The following SPTB variants were observed in gnomAD, a reference collection of about 807,000 sequenced individuals.
SPTB encodes spectrin beta, erythrocytic, also known as spectrin beta chain, erythrocytic.
Under a neutral mutation model 256.2 loss-of-function variants are expected in SPTB, and 45 were observed. The observed-to-expected ratio is 0.18, with a 90% CI of 0.14 to 0.23. The LOEUF (loss-of-function observed/expected upper bound fraction) is 0.23. SPTB is among the 10% of genes least tolerant of loss of function. The probability of loss-of-function intolerance (pLI) is 1.00; values close to 1 mark genes in which losing one functional copy is unlikely to be tolerated. For synonymous variants in SPTB, 1,231 were observed against 1,243.1 expected, an observed-to-expected ratio of 0.99 and a Z score of 0.21; for missense variants, 2,715 against 3,040.4, an observed-to-expected ratio of 0.89 and a Z score of 2.52.
chr14:64,819,169 A>G (rs919438784), intron 2 of SPTB, among the ~76,000 whole-genome samples: 4 of 152,038 alleles, frequency 2.6e-5, no homozygotes, highest in African/African-American at 9.7e-5. Context: ...AGTTAGGCTG[A>G]CTCCCAGTTT....
In SPTB at chr14:64,823,490, A is replaced by G. The variant is rs2083330507; in HGVS notation, c.-51-345T>C. 6.6e-6 allele frequency among the ~76,000 whole-genome samples: 1 copy of G among 152,142 alleles called. No homozygotes were observed. Among genetic ancestry groups the G allele is most frequent in the African/African-American group, 2.4e-5 (1 of 41,418 alleles). ...CCGGGAGAGAGGAAGCTCTCCTGGG[A>G]GCCAGAGGCAGCAGGGCACAAGCTG... On this transcript the variant is annotated intron_variant, in intron 1 of 35. Coordinates refer to ENST00000644917, the MANE Select transcript of SPTB (RefSeq NM_001355436.2). The surrounding 1 kb of genome is among the most constrained non-coding windows in gnomAD (Gnocchi z 6.5).
At position 64,772,064 on chromosome 14, in the gene SPTB, T is replaced by C. The variant is rs918108514; in HGVS notation, c.5553+516A>G. Among the ~76,000 whole-genome samples the C allele has an allele frequency of 6.6e-6, 1 of 152,206 alleles. No individual in the cohort carries two copies. Among genetic ancestry groups the C allele is most frequent in the African/African-American group, 2.4e-5 (1 of 41,448 alleles). On this transcript the variant is annotated intron_variant, in intron 26 of 35. Transcript: ENST00000644917. This position sits in a 1 kb window ranked among gnomAD's most constrained non-coding sequence, Gnocchi z 5.4. ...GAACTTGGGGGCTCTCCAGCTCCCATGTGGAAAGGCTGAAGTGCCCGGTGG... is the reference window on the plus strand; with the variant it reads ...GAACTTGGGGGCTCTCCAGCTCCCACGTGGAAAGGCTGAAGTGCCCGGTGG...
At position 64,807,674 on chromosome 14, in the gene SPTB, C is replaced by T. The variant is rs374623633; in HGVS notation, c.149-2584G>A. ...TCCATGAGCTGGCTGGCTCCAGCCG[C>T]CTGGCATTGGCATGCTCAGCACATT... On this transcript the variant is annotated intron_variant, in intron 2 of 35. Coordinates refer to ENST00000644917, the MANE Select transcript of SPTB (RefSeq NM_001355436.2). This position sits in a 1 kb window ranked among gnomAD's most constrained non-coding sequence, Gnocchi z 4.7. Among the ~76,000 whole-genome samples, 26 of 152,360 alleles carry T rather than the reference C, an allele frequency of 1.7e-4. No individual in the cohort carries two copies. Among genetic ancestry groups the T allele is most frequent in the African/African-American group, 5.3e-4 (22 of 41,582 alleles).
chr14:64,759,692 T>C lies in SPTB; in HGVS notation c.6346-5899A>G, dbSNP rs1014341226. Among the ~76,000 whole-genome samples, 9 of 152,296 alleles carry C rather than the reference T, an allele frequency of 5.9e-5. No homozygotes were observed. Among genetic ancestry groups the C allele is most frequent in the African/African-American group, 2.2e-4 (9 of 41,566 alleles). Reference sequence around the variant, plus strand: ...GCTGATCTGAGGTTCCCTTCCACCTTTGTGCTGTAAGGCAGGGGCTGCTGC... The same window carrying C: ...GCTGATCTGAGGTTCCCTTCCACCTCTGTGCTGTAAGGCAGGGGCTGCTGC... On this transcript the variant is annotated intron_variant, in intron 32 of 35. Coordinates refer to ENST00000644917, the MANE Select transcript of SPTB (RefSeq NM_001355436.2). The surrounding 1 kb of genome is among the most constrained non-coding windows in gnomAD (Gnocchi z 4.8).
chr14:64,753,934 C>A (rs1324404085), intron 32 of SPTB, 141 bp from the exon 33 acceptor site: 4 of 1,105,354 alleles, frequency 3.6e-6, no homozygotes, highest in Non-Finnish European at 5.3e-6. Context: ...TCCTGGCCCA[C>A]CCTGGCTCTC....
intron 1 of SPTB, among the ~76,000 whole-genome samples, chr14:64,877,822 T>C (rs1223426953): frequency 6.6e-6 from 1 of 152,242 alleles, no homozygotes; most frequent in East Asian, 1.9e-4. Context: ...TTTTGCCAAA[T>C]GTGATCCCAG....
Position 64,802,334 on chromosome 14 carries a change from AAG to A in SPTB, c.475-19_475-18del. 1 of 1,613,414 alleles carries A rather than the reference AAG, an allele frequency of 6.2e-7. No homozygotes were observed. The highest frequency in any genetic ancestry group is 8.5e-7 in the Non-Finnish European group (1 of 1,179,492). ...GTCCTGAATCTGAGGGTAGCAGAAC[AAG>A]AGAGATTTGAAGAGGATGTGCATCT... On this transcript the variant is annotated intron_variant, in intron 4 of 35. Transcript: ENST00000644917. The surrounding 1 kb of genome is among the most constrained non-coding windows in gnomAD (Gnocchi z 5.1).
intron 1 of SPTB, among the ~76,000 whole-genome samples, chr14:64,855,993 G>A (rs569238614): frequency 1.2e-3 from 188 of 152,350 alleles, no homozygotes; most frequent in Middle Eastern, 6.8e-3. Flanking sequence ...CCCAGGCTCC[G>A]GCCCGAGGAG....
intron 29 of SPTB, 28 bp from the exon 30 acceptor site, chr14:64,767,887 C>T: frequency 6.2e-7 from 1 of 1,611,206 alleles, no homozygotes; most frequent in Non-Finnish European, 8.5e-7. Context: ...ACACAGACCC[C>T]CCACAAGGCC....
chr14:64,749,424 G>T lies in SPTB; in HGVS notation c.6869C>A (p.Ser2290Tyr), dbSNP rs1201566052. The T allele has an allele frequency of 6.2e-7, 1 of 1,606,020 alleles. No homozygotes were observed. Among genetic ancestry groups the T allele is most frequent in the Non-Finnish European group, 8.5e-7 (1 of 1,179,496 alleles). Reference sequence around the variant, plus strand: ...CTGCGCCTTGACGCGGATGCTCTGGGACTCGTTGATGGCGGTGCTCACGCC... The same window carrying T: ...CTGCGCCTTGACGCGGATGCTCTGGTACTCGTTGATGGCGGTGCTCACGCC... ...LQGVSTAINESQSIRVKAQSL... is the reference protein window; with the variant it reads ...LQGVSTAINEYQSIRVKAQSL... The change falls in exon 36 of 36, where the codon TCC becomes TAC. Residue 2290 changes from serine to tyrosine, a missense_variant. Ser to Tyr is a moderately radical substitution (Grantham distance 144). Transcript: ENST00000644917. This position sits in a 1 kb window ranked among gnomAD's most constrained non-coding sequence, Gnocchi z 4.7.
In SPTB at chr14:64,779,899, C is replaced by G. The variant is rs759052809; in HGVS notation, c.4299G>C (p.Glu1433Asp). The change falls in exon 21 of 36, where the codon GAG (glutamate) becomes GAC (aspartate). Residue 1433 changes from glutamate (E) to aspartate (D), a missense_variant. Glu to Asp is a conservative substitution (Grantham distance 45). Coordinates refer to ENST00000644917, the MANE Select transcript of SPTB (RefSeq NM_001355436.2). The surrounding 1 kb of genome is among the most constrained non-coding windows in gnomAD (Gnocchi z 4.2). ...CCTGGGCAAACAGCTCCCCCAGCTC[C>G]TCTTTTCGCACATTCACTTGGTCCT... The part of the protein sequence containing the change: ...RVEDQVNVRK[E>D]ELGELFAQVP... The G allele has an allele frequency of 6.2e-7, 1 of 1,613,980 alleles. No individual in the cohort carries two copies. The highest frequency in any genetic ancestry group is 8.5e-7 in the Non-Finnish European group (1 of 1,179,918).
intron 2 of SPTB, among the ~76,000 whole-genome samples, chr14:64,812,023 G>A (rs568077547): frequency 2.0e-5 from 3 of 152,054 alleles, no homozygotes; most frequent in South Asian, 4.2e-4. Flanking sequence ...AAAAATCATT[G>A]CATTTTTAAA....
chr14:64,868,520 T>C (rs753283638), intron 1 of SPTB, among the ~76,000 whole-genome samples: 1 of 152,310 alleles, frequency 6.6e-6, no homozygotes, highest in South Asian at 2.1e-4. Context: ...GTGAAGCTGA[T>C]CTGGGACTGA....
At position 64,793,778 on chromosome 14, in the gene SPTB, G is replaced by A. The variant is rs778031606; in HGVS notation, c.1885C>T (p.Arg629Trp). 48 of 1,610,648 alleles carry A rather than the reference G, an allele frequency of 3.0e-5. No individual in the cohort carries two copies. Among genetic ancestry groups the A allele is most frequent in the Non-Finnish European group, 3.8e-5 (45 of 1,178,774 alleles). ...FEELSNMAAG[R>W]KAQLEQSKRL... is the part of the protein sequence containing the mutation. ...TTGGACTGCTCCAGTTGGGCCTTCC[G>A]CCCAGCTGCCATGTTGCTCAGCTCC... The change falls in exon 14 of 36, where the codon CGG becomes TGG. Residue 629 changes from arginine (R) to tryptophan (W), a missense_variant. Arg to Trp is a moderately radical substitution (Grantham distance 101). Around this residue, in one of 4 missense-constraint regions of SPTB, gnomAD observed 2,239 missense variants for 2,384.4 expected, o/e 0.94. Transcript: ENST00000644917. This position sits in a 1 kb window ranked among gnomAD's most constrained non-coding sequence, Gnocchi z 7.0.
chr14:64,843,175 T>C (rs1357300300), intron 1 of SPTB, among the ~76,000 whole-genome samples: 2 of 152,196 alleles, frequency 1.3e-5, no homozygotes, highest in African/African-American at 4.8e-5. Context: ...TGGGCATCTG[T>C]GTAGATTCTG....
Position 64,779,311 on chromosome 14 carries a change from C to A in SPTB, c.4474-65G>T. ...ACGGCCAACCTTTCCTGAGTGCTCACCATGGGCGGCGCAGAGCTTTGCTGG... is the reference window on the plus strand; with the variant it reads ...ACGGCCAACCTTTCCTGAGTGCTCAACATGGGCGGCGCAGAGCTTTGCTGG... On this transcript the variant is annotated intron_variant, in intron 21 of 35. Transcript: ENST00000644917. This position sits in a 1 kb window ranked among gnomAD's most constrained non-coding sequence, Gnocchi z 4.2. 1.5e-6 allele frequency: 2 copies of A among 1,359,738 alleles called. No individual in the cohort carries two copies. The highest frequency in any genetic ancestry group is 2.1e-6 in the Non-Finnish European group (2 of 962,610). The allele number at this position is 1,359,738 out of a possible 1,614,324, so 84.2% of individuals were successfully genotyped here.
At position 64,873,057 on chromosome 14, in the gene SPTB, C is replaced by T. The variant is rs963745595; in HGVS notation, c.-52+6735G>A. ...ATCTCTTCTCCCAAACATCCCATGCCTCTCTCCCCACTTCATTTGAGTCTC... is the reference window on the plus strand; with the variant it reads ...ATCTCTTCTCCCAAACATCCCATGCTTCTCTCCCCACTTCATTTGAGTCTC... On this transcript the variant is annotated intron_variant, in intron 1 of 35. Coordinates refer to ENST00000644917, the MANE Select transcript of SPTB (RefSeq NM_001355436.2). This position sits in a 1 kb window ranked among gnomAD's most constrained non-coding sequence, Gnocchi z 4.3. 8.5e-5 allele frequency among the ~76,000 whole-genome samples: 13 copies of T among 152,170 alleles called. No individual in the cohort carries two copies. The highest frequency in any genetic ancestry group is 7.9e-4 in the Admixed American group (12 of 15,286).
chr14:64,804,505 C>T (rs114657746), intron 3 of SPTB, among the ~76,000 whole-genome samples: 1,778 of 152,318 alleles, frequency 0.012, 41 homozygotes, highest in African/African-American at 0.041. Flanking sequence ...TTGGGGTCAA[C>T]AGTATTGCCG....
intron 19 of SPTB, among the ~76,000 whole-genome samples, chr14:64,782,817 T>TAAAA (rs58435859): frequency 0.089 from 10,939 of 122,640 alleles, 471 homozygotes; most frequent in Middle Eastern, 0.11. Flanking sequence ...GTTGATGAGT[T>TAAAA]AAAAAAAAAA....
Sources: gnomAD v4.1 joint callset for allele counts (sites outside exome capture counted in the v4.1 genomes callset) on GRCh38, gnomAD v4.1.1 for gene constraint, gnomAD v4.1.1 regional missense constraint, Gnocchi (gnomAD v3.1) non-coding constraint, MANE v1.5 for transcripts, NCBI Gene and HGNC (gene_info 2026-07-23, HGNC 2026-07-21) for gene names.